Variants in ST7L observed in about 807,000 individuals in gnomAD.
The protein encoded by ST7L is suppressor of tumorigenicity 7 protein-like.
A neutral mutation model predicts 72.5 loss-of-function variants in ST7L; 57 were observed. The ratio of observed to expected loss-of-function variants is 0.79; its 90% CI spans 0.64 to 0.98. The LOEUF is 0.98. ST7L is among the 50% of genes least tolerant of loss of function. ST7L has a pLI of 0.00. For missense variants in ST7L, 576 were observed against 672.2 expected (o/e 0.86, Z 1.58); for synonymous variants, 221 against 240.9 (o/e 0.92, Z 0.77).
At chr1:112,593,285 A>G (rs1448194226) in intron 5 of ST7L, among the ~76,000 whole-genome samples, 2 of 152,186 alleles carry the variant, frequency 1.3e-5, no homozygotes, top group African/African-American at 4.8e-5. Context: ...AAAAATGTAT[A>G]TATTTTTTTC....
At chr1:112,576,344 G>A (rs1044162808) in intron 11 of ST7L, among the ~76,000 whole-genome samples, 2 of 151,986 alleles carry the variant, frequency 1.3e-5, no homozygotes, top group Non-Finnish European at 2.9e-5. Context: ...CTCCCACCTC[G>A]GCCTCCCAAA....
At chr1:112,544,524 T>C (rs1253772743) in intron 13 of ST7L, among the ~76,000 whole-genome samples, 1 of 152,226 alleles carries the variant, frequency 6.6e-6, no homozygotes. Flanking sequence ...CAATCCCCTT[T>C]GCCCTGTCCC....
chr1:112,557,449 G>A (rs1659388907), intron 11 of ST7L, among the ~76,000 whole-genome samples: 2 of 152,148 alleles, frequency 1.3e-5, no homozygotes, highest in South Asian at 4.1e-4. Context: ...GAATAATACT[G>A]CATTGTACAT....
chr1:112,552,187 A>G (rs1658315835), intron 12 of ST7L, among the ~76,000 whole-genome samples: 1 of 152,136 alleles, frequency 6.6e-6, no homozygotes, highest in South Asian at 2.1e-4. Context: ...ATGTAAGGGG[A>G]AACCCACAAA....
chr1:112,609,510 TAC>T (rs1465142802), intron 3 of ST7L, among the ~76,000 whole-genome samples: 1 of 139,480 alleles, frequency 7.2e-6, no homozygotes, highest in African/African-American at 2.7e-5. Flanking sequence ...TAGCCTGGGC[TAC>T]AGAGACTTCG....
chr1:112,539,792 G>A (rs1463642958), intron 14 of ST7L: 1 of 985,312 alleles, frequency 1.0e-6, no homozygotes, highest in South Asian at 4.7e-5. Context: ...GGAACTTTCA[G>A]TAAATACTTA....
In ST7L at chr1:112,539,743, A is replaced by C. The variant is rs144513902; in HGVS notation, c.1629+2208T>G. 4,336 of 985,330 alleles carry C rather than the reference A, an allele frequency of 4.4e-3. 139 individuals carry two copies. The African/African-American group carries it at 0.068, about 15-fold the overall frequency. The allele number at this position is 985,330 out of a possible 1,614,324, so 61.0% of individuals were successfully genotyped here. A position where few individuals can be genotyped will look rare whatever the true frequency, so the allele number is the denominator to read the frequency against. ...TCATTTCCCATTAACTCTTAAATGG[A>C]ACCTGCCTTTGGAAATCCTGCACAA... On this transcript the variant is annotated intron_variant, in intron 14 of 14. Transcript: ENST00000358039.
At chr1:112,523,033 C>A (rs1652964129), downstream of ST7L, 1 of 152,260 alleles carries the variant, frequency 6.6e-6, no homozygotes, top group Non-Finnish European at 1.5e-5. Context: ...ATATGCCAGG[C>A]TGCTGGGGAA....
At chr1:112,531,503 A>C (rs1487260170) in intron 14 of ST7L, among the ~76,000 whole-genome samples, 1 of 152,212 alleles carries the variant, frequency 6.6e-6, no homozygotes, top group Non-Finnish European at 1.5e-5. Context: ...AATTCTTCTG[A>C]AAGGAAGCAT....
rs1219468114 is a variant in ST7L at position 112,524,366 on chromosome 1, A to G, written c.*1647T>C. 6.6e-6 allele frequency: 1 copy of G among 152,612 alleles called. No homozygotes were observed. Among genetic ancestry groups the G allele is most frequent in the Non-Finnish European group, 1.5e-5 (1 of 68,046 alleles). The allele number at this position is 152,612 out of a possible 1,614,324, so 9.5% of individuals were successfully genotyped here. A position where few individuals can be genotyped will look rare whatever the true frequency, so the allele number is the denominator to read the frequency against. The stretch of plus-strand genomic sequence containing the variant: ...GGACGCCAGGGAGAGTATGTTTCTC[A>G]TCCCTGGGAGGCATTCAGCCTAGCT... On this transcript the variant is annotated 3_prime_UTR_variant, in exon 15 of 15. Coordinates refer to ENST00000358039, the MANE Select transcript of ST7L (RefSeq NM_017744.5).
At chr1:112,612,375 G>A (rs527662135) in intron 2 of ST7L, among the ~76,000 whole-genome samples, 2 of 152,150 alleles carry the variant, frequency 1.3e-5, no homozygotes, top group East Asian at 1.9e-4. Flanking sequence ...TAGGATTATG[G>A]GTGTAAGCTA....
At chr1:112,549,048 T>C (rs1657637285) in intron 13 of ST7L, among the ~76,000 whole-genome samples, 1 of 152,022 alleles carries the variant, frequency 6.6e-6, no homozygotes, top group Non-Finnish European at 1.5e-5. Context: ...CCTGGGATTT[T>C]GATAGCGATT....
chr1:112,549,618 A>T (rs574092697), intron 13 of ST7L, among the ~76,000 whole-genome samples: 1 of 152,248 alleles, frequency 6.6e-6, no homozygotes, highest in South Asian at 2.1e-4. Flanking sequence ...ATATATAATT[A>T]ATTTTAGTAT....
At chr1:112,617,015 T>C (rs1301686811) in intron 1 of ST7L, 120 bp from the exon 2 acceptor site, 6 of 622,130 alleles carry the variant, frequency 9.6e-6, no homozygotes, top group Non-Finnish European at 1.7e-5. Flanking sequence ...TAGTGTGAAA[T>C]TCACTTGAAA....
In ST7L at chr1:112,575,660, C is replaced by A. The variant is rs562795700; in HGVS notation, c.1245+1326G>T. 4.6e-5 allele frequency among the ~76,000 whole-genome samples: 7 copies of A among 152,228 alleles called. No individual in the cohort carries two copies. In the South Asian group the frequency reaches 1.5e-3, roughly 32 times the overall value. On this transcript the variant is annotated intron_variant, in intron 11 of 14. Transcript: ENST00000358039. ...GGGGATGGTGTAAGATTTCATCAAG[C>A]TACTCAGAACGGCATGCAACTTAAA...
rs555179013 is a variant in ST7L, at chr1:112,567,232, T to G, written c.1245+9754A>C. ...AACATCTTTTCTTTTTTTGCCTGCT[T>G]CATTTTACCTTCATATGAACATCTC... On this transcript the variant is annotated intron_variant, in intron 11 of 14. Coordinates refer to ENST00000358039, the MANE Select transcript of ST7L (RefSeq NM_017744.5). 2.0e-5 allele frequency among the ~76,000 whole-genome samples: 3 copies of G among 152,336 alleles called. No individual in the cohort carries two copies. The South Asian group carries it at 6.2e-4, about 32-fold the overall frequency.
intron 4 of ST7L, among the ~76,000 whole-genome samples, chr1:112,598,951 T>C (rs1438584382): frequency 6.7e-6 from 1 of 149,796 alleles, no homozygotes; most frequent in Non-Finnish European, 1.5e-5. Context: ...TCCCAGCTAC[T>C]TGGGAGGCTG....
intron 14 of ST7L, chr1:112,541,699 TA>T: frequency 1.1e-6 from 1 of 942,376 alleles, no homozygotes; most frequent in South Asian, 5.4e-5. Flanking sequence ...AAGTGATCTA[TA>T]AGAGCAAACT....
chr1:112,594,645 A>T (rs1333226521), intron 5 of ST7L, among the ~76,000 whole-genome samples: 1 of 152,180 alleles, frequency 6.6e-6, no homozygotes, highest in Non-Finnish European at 1.5e-5. Flanking sequence ...CTATCTTTCT[A>T]TCTTAGAATC....
Sources: gnomAD v4.1 joint callset for allele counts (sites outside exome capture counted in the v4.1 genomes callset) on GRCh38, gnomAD v4.1.1 for gene constraint, MANE v1.5 for transcripts, NCBI Gene and HGNC (gene_info 2026-07-23, HGNC 2026-07-21) for gene names.